Variants in FBXL7 observed in about 807,000 individuals in gnomAD.
FBXL7 encodes F-box/LRR-repeat protein 7.
Under a neutral mutation model 38.3 loss-of-function variants are expected in FBXL7, and 12 were observed. The observed-to-expected ratio is 0.31, with a 90% CI of 0.20 to 0.51. The LOEUF is 0.51. Among genes scored for constraint, FBXL7 ranks in the 20% least tolerant of loss-of-function variants. The pLI is 0.98. For missense variants in FBXL7, 567 were observed against 676.4 expected, an observed-to-expected ratio of 0.84 and a Z score of 1.79; for synonymous variants, 297 against 300.9, an observed-to-expected ratio of 0.99 and a Z score of 0.13.
At chr5:15,543,731 C>A (rs766671034) in intron 1 of FBXL7, among the ~76,000 whole-genome samples, 11 of 152,260 alleles carry the variant, frequency 7.2e-5, no homozygotes, top group Non-Finnish European at 1.5e-4. Context: ...AAGCCAACCT[C>A]AGTATAAAGG....
chr5:15,843,299 A>G (rs1255162230), intron 2 of FBXL7, among the ~76,000 whole-genome samples: 1 of 152,136 alleles, frequency 6.6e-6, no homozygotes, highest in African/African-American at 2.4e-5. Context: ...GGTTCTTCAT[A>G]ACCCTTTCAC....
intron 2 of FBXL7, among the ~76,000 whole-genome samples, chr5:15,800,759 C>T (rs1047300544): frequency 1.3e-5 from 2 of 152,188 alleles, no homozygotes; most frequent in South Asian, 4.2e-4. Flanking sequence ...GAGGCATGTC[C>T]GGGGTGTTAT....
intron 1 of FBXL7, among the ~76,000 whole-genome samples, chr5:15,567,602 A>ATTTT (rs1561030752): frequency 2.0e-5 from 3 of 150,928 alleles, no homozygotes; most frequent in African/African-American, 7.3e-5. Context: ...ATATATATAT[A>ATTTT]TTTTTTATTA....
chr5:15,810,245 A>G (rs1198734806), intron 2 of FBXL7, among the ~76,000 whole-genome samples: 1 of 152,148 alleles, frequency 6.6e-6, no homozygotes, highest in Non-Finnish European at 1.5e-5. Context: ...TTGAATAATC[A>G]TCAGTGAACC....
intron 2 of FBXL7, among the ~76,000 whole-genome samples, chr5:15,846,866 A>G (rs1338692010): frequency 6.6e-6 from 1 of 152,226 alleles, no homozygotes; most frequent in Non-Finnish European, 1.5e-5. Flanking sequence ...AAGTTAATTC[A>G]CAGATTTGTG....
chr5:15,806,116 T>C (rs1234607911), intron 2 of FBXL7, among the ~76,000 whole-genome samples: 1 of 152,188 alleles, frequency 6.6e-6, no homozygotes, highest in Non-Finnish European at 1.5e-5. Flanking sequence ...AAGGACAAAA[T>C]GACTTAAACT....
chr5:15,816,406 C>T (rs1026102881), intron 2 of FBXL7, among the ~76,000 whole-genome samples: 1 of 152,092 alleles, frequency 6.6e-6, no homozygotes, highest in Non-Finnish European at 1.5e-5. Flanking sequence ...ACCAAATACC[C>T]TAAGTTCTCA....
intron 2 of FBXL7, among the ~76,000 whole-genome samples, chr5:15,864,556 G>C (rs562814723): frequency 1.3e-5 from 2 of 152,068 alleles, no homozygotes; most frequent in Non-Finnish European, 2.9e-5. Flanking sequence ...GTTACGGATG[G>C]GTATTGAGGA....
At chr5:15,859,798 C>T (rs1739398662) in intron 2 of FBXL7, among the ~76,000 whole-genome samples, 1 of 152,052 alleles carries the variant, frequency 6.6e-6, no homozygotes, top group South Asian at 2.1e-4. Flanking sequence ...ACCATGTCAC[C>T]ACTCAAGATA....
intron 1 of FBXL7, among the ~76,000 whole-genome samples, chr5:15,541,443 GTATATATATATATATATATATA>G (rs56810372): frequency 2.4e-3 from 94 of 38,448 alleles, no homozygotes; most frequent in African/African-American, 6.8e-3. Flanking sequence ...GTGTGTGTGT[GTATATATATATATATATATATA>G]TATATATATA....
At chr5:15,814,870 G>A (rs929354864) in intron 2 of FBXL7, among the ~76,000 whole-genome samples, 1 of 152,128 alleles carries the variant, frequency 6.6e-6, no homozygotes, top group Non-Finnish European at 1.5e-5. Context: ...AACACCGGCT[G>A]GGTAGAGCAC....
At chr5:15,911,451 T>C (rs1209498182) in intron 2 of FBXL7, among the ~76,000 whole-genome samples, 13 of 140,490 alleles carry the variant, frequency 9.3e-5, no homozygotes, top group Non-Finnish European at 1.5e-4. Context: ...CGTTTTCAAC[T>C]TCTTTGCCTT....
chr5:15,724,527 C>A (rs944268919), intron 2 of FBXL7, among the ~76,000 whole-genome samples: 2 of 152,142 alleles, frequency 1.3e-5, no homozygotes, highest in African/African-American at 4.8e-5. Context: ...TCCAGGAAAC[C>A]ATGAATTCAC....
At chr5:15,914,236 A>G (rs1165419091) in intron 2 of FBXL7, among the ~76,000 whole-genome samples, 1 of 151,958 alleles carries the variant, frequency 6.6e-6, no homozygotes, top group Non-Finnish European at 1.5e-5. Flanking sequence ...CATACAAAAA[A>G]TTAGTCGGGC....
At chr5:15,640,381 CTCT>C (rs1356855871) in intron 2 of FBXL7, among the ~76,000 whole-genome samples, 4 of 152,116 alleles carry the variant, frequency 2.6e-5, no homozygotes, top group African/African-American at 9.7e-5. Context: ...GTTTCTGCAA[CTCT>C]TCTTCTCTTT....
At chr5:15,689,780 A>G (rs1399221927) in intron 2 of FBXL7, among the ~76,000 whole-genome samples, 1 of 152,212 alleles carries the variant, frequency 6.6e-6, no homozygotes, top group East Asian at 1.9e-4. Flanking sequence ...AACTGTCTAA[A>G]AGAACTTAAA....
intron 2 of FBXL7, among the ~76,000 whole-genome samples, chr5:15,711,259 A>G (rs896551249): frequency 2.6e-5 from 4 of 152,190 alleles, no homozygotes; most frequent in Non-Finnish European, 4.4e-5. Context: ...TCCAGCTTCT[A>G]GTAGCTCTGG....
chr5:15,591,292 G>A (rs1303745640), intron 1 of FBXL7, among the ~76,000 whole-genome samples: 1 of 151,982 alleles, frequency 6.6e-6, no homozygotes, highest in Non-Finnish European at 1.5e-5. Flanking sequence ...AGCTGGGCAT[G>A]GTGGCGGGCG....
intron 2 of FBXL7, among the ~76,000 whole-genome samples, chr5:15,758,742 T>C (rs1468155254): frequency 6.6e-6 from 1 of 152,192 alleles, no homozygotes; most frequent in East Asian, 1.9e-4. Context: ...GGATTGTCTC[T>C]GTCTTGTTGT....
Sources: gnomAD v4.1 joint callset for allele counts (sites outside exome capture counted in the v4.1 genomes callset) on GRCh38, gnomAD v4.1.1 for gene constraint, MANE v1.5 for transcripts, NCBI Gene and HGNC (gene_info 2026-07-23, HGNC 2026-07-21) for gene names.